The following RBFOX1 variants were observed in gnomAD, a reference collection of about 807,000 sequenced individuals.
The protein encoded by RBFOX1 is RNA binding fox-1 homolog 1.
In RBFOX1, 8 loss-of-function variants were observed where a neutral mutation model predicts 57.7. The ratio of observed to expected loss-of-function variants is 0.14; its 90% CI spans 0.08 to 0.25. The LOEUF is 0.25. RBFOX1 is among the 10% of genes least tolerant of loss of function. The pLI is 1.00. For missense variants in RBFOX1, 611 were observed against 548.5 expected, an observed-to-expected ratio of 1.11 and a Z score of -1.14; for synonymous variants, 326 against 222.4, an observed-to-expected ratio of 1.47 and a Z score of -4.15.
At chr16:5,727,084 C>A (rs544616441) in intron 3 of RBFOX1, among the ~76,000 whole-genome samples, 17 of 152,198 alleles carry the variant, frequency 1.1e-4, no homozygotes, top group Middle Eastern at 3.4e-3. Context: ...CATGGTAAAA[C>A]CCTGTTTCTG....
At chr16:6,464,682 A>G (rs1003872663) in intron 2 of RBFOX1, among the ~76,000 whole-genome samples, 4 of 152,352 alleles carry the variant, frequency 2.6e-5, no homozygotes, top group South Asian at 4.1e-4. Context: ...GATTCACCCT[A>G]GAGTGGTCAG....
intron 4 of RBFOX1, among the ~76,000 whole-genome samples, chr16:7,053,276 C>G (rs1414376602): frequency 1.3e-5 from 2 of 152,168 alleles, no homozygotes; most frequent in East Asian, 1.9e-4. Flanking sequence ...TATGCAGTAT[C>G]TCAGTATGGC....
At chr16:6,712,297 C>T (rs2063850366) in intron 3 of RBFOX1, among the ~76,000 whole-genome samples, 1 of 152,188 alleles carries the variant, frequency 6.6e-6, no homozygotes. Flanking sequence ...TTGCAACCTT[C>T]TGTCATCTGG....
At chr16:5,746,578 A>G (rs1454636533) in intron 3 of RBFOX1, among the ~76,000 whole-genome samples, 5 of 152,162 alleles carry the variant, frequency 3.3e-5, no homozygotes. Context: ...TGAGCATGGA[A>G]TGTTCTTCTA....
At chr16:5,664,147 T>C (rs1343514832) in intron 3 of RBFOX1, among the ~76,000 whole-genome samples, 1 of 152,328 alleles carries the variant, frequency 6.6e-6, no homozygotes. Flanking sequence ...CATGTGTTGT[T>C]TCTTCGATTG....
chr16:7,668,665 C>A (rs2070293472), intron 13 of RBFOX1, among the ~76,000 whole-genome samples: 1 of 151,620 alleles, frequency 6.6e-6, no homozygotes. Flanking sequence ...GAACAGAACA[C>A]ACACACACAC....
chr16:6,655,400 A>G (rs2098642250), intron 3 of RBFOX1, among the ~76,000 whole-genome samples: 1 of 144,792 alleles, frequency 6.9e-6, no homozygotes, highest in Non-Finnish European at 1.5e-5. Context: ...AAAAAAAAAA[A>G]AAAGAGCTCG....
chr16:7,262,002 A>G (rs942931220), intron 4 of RBFOX1, among the ~76,000 whole-genome samples: 1 of 152,192 alleles, frequency 6.6e-6, no homozygotes, highest in African/African-American at 2.4e-5. Context: ...TTTCCTGATT[A>G]TCCCTTTCTC....
intron 2 of RBFOX1, among the ~76,000 whole-genome samples, chr16:6,592,636 C>T (rs940344787): frequency 6.6e-6 from 1 of 152,128 alleles, no homozygotes; most frequent in Non-Finnish European, 1.5e-5. Flanking sequence ...AGCGGAAGTT[C>T]TGCTACTAAG....
At chr16:6,077,556 T>G (rs1274561137) in intron 1 of RBFOX1, among the ~76,000 whole-genome samples, 1 of 152,140 alleles carries the variant, frequency 6.6e-6, no homozygotes, top group Non-Finnish European at 1.5e-5. Flanking sequence ...ATGGTTTCTA[T>G]GGAAAATTGC....
chr16:7,605,548 G>A (rs757523849), intron 9 of RBFOX1, among the ~76,000 whole-genome samples: 3 of 152,162 alleles, frequency 2.0e-5, no homozygotes, highest in Admixed American at 6.5e-5. Flanking sequence ...GTTTTAGAAA[G>A]TTCTGGATTT....
intron 1 of RBFOX1, among the ~76,000 whole-genome samples, chr16:6,204,192 C>A (rs2097237543): frequency 6.6e-6 from 1 of 152,130 alleles, no homozygotes; most frequent in African/African-American, 2.4e-5. Flanking sequence ...ACCCTCACCT[C>A]ATCTTTCACC....
intron 1 of RBFOX1, among the ~76,000 whole-genome samples, chr16:6,279,816 T>C (rs1410192720): frequency 6.6e-6 from 1 of 152,032 alleles, no homozygotes; most frequent in African/African-American, 2.4e-5. Context: ...AAGATAATGA[T>C]AAATGGTAAT....
intron 1 of RBFOX1, among the ~76,000 whole-genome samples, chr16:6,268,279 T>C (rs1182584758): frequency 1.3e-5 from 2 of 152,194 alleles, no homozygotes; most frequent in Non-Finnish European, 1.5e-5. Flanking sequence ...ATTTCCCTGC[T>C]AGCAGGTATG....
chr16:6,736,383 C>T (rs1311978082), intron 3 of RBFOX1, among the ~76,000 whole-genome samples: 2 of 152,088 alleles, frequency 1.3e-5, no homozygotes, highest in Non-Finnish European at 2.9e-5. Flanking sequence ...GCTTAGCTCC[C>T]ACATATCAGT....
intron 4 of RBFOX1, among the ~76,000 whole-genome samples, chr16:5,915,091 T>C (rs2058677277): frequency 6.6e-6 from 1 of 151,968 alleles, no homozygotes; most frequent in Admixed American, 6.6e-5. Flanking sequence ...CACCAGGAGG[T>C]GGAAACCACT....
At chr16:5,814,247 C>G (rs533811849) in intron 3 of RBFOX1, among the ~76,000 whole-genome samples, 1 of 152,270 alleles carries the variant, frequency 6.6e-6, no homozygotes, top group African/African-American at 2.4e-5. Flanking sequence ...CTTTGGGAAA[C>G]TGTATCACTG....
rs906311100 is a variant in RBFOX1, at chr16:7,467,907, C to G, written c.28-50240C>G. Among the ~76,000 whole-genome samples the G allele has an allele frequency of 3.9e-5, 6 of 152,324 alleles. No homozygotes were observed. The Middle Eastern group carries it at 0.017, about 432-fold the overall frequency. The stretch of plus-strand genomic sequence containing the variant: ...CAGCCCAAGAACTCTGGTCATTGAA[C>G]TTGACTTGGTATGTCCATCATTTGT... On this transcript the variant is annotated intron_variant, in intron 4 of 15. Transcript: ENST00000550418.
At chr16:5,963,567 C>G (rs1178993078) in intron 4 of RBFOX1, among the ~76,000 whole-genome samples, 1 of 152,108 alleles carries the variant, frequency 6.6e-6, no homozygotes, top group Non-Finnish European at 1.5e-5. Flanking sequence ...GACACATAGA[C>G]CAGTGGAGCT....
Sources: allele counts gnomAD v4.1 joint callset (sites outside exome capture counted in the v4.1 genomes callset), GRCh38; gene constraint gnomAD v4.1.1; transcripts MANE v1.5; gene names NCBI Gene and HGNC (gene_info 2026-07-23, HGNC 2026-07-21).